The following RYR2 variants were observed in gnomAD, a reference collection of about 807,000 sequenced individuals.
The protein encoded by RYR2 is ryanodine receptor 2.
A neutral mutation model predicts 601.1 loss-of-function variants in RYR2; 227 were observed. That is an observed-to-expected ratio of 0.38 (90% CI 0.34 to 0.42). The LOEUF is 0.42. RYR2 is among the 10% of genes least tolerant of loss of function. The pLI is 1.00. For synonymous variants in RYR2, 2,223 were observed against 2,175.1 expected (o/e 1.02, Z -0.61); for missense variants, 4,646 against 6,156.5 (o/e 0.75, Z 8.21).
chr1:237,534,879 T>A (rs1335978352), intron 25 of RYR2, among the ~76,000 whole-genome samples: 3 of 152,032 alleles, frequency 2.0e-5, no homozygotes, highest in Non-Finnish European at 4.4e-5. Context: ...ATTTATGGTA[T>A]ACCACATGAT....
At chr1:237,736,461 C>CAA (rs56178537) in intron 79 of RYR2, among the ~76,000 whole-genome samples, 111 of 129,540 alleles carry the variant, frequency 8.6e-4, no homozygotes, top group East Asian at 1.6e-3. Context: ...GAGTCCGTTT[C>CAA]AAAAAAAAAA....
At chr1:237,285,587 T>A (rs753980294) in intron 2 of RYR2, among the ~76,000 whole-genome samples, 10 of 152,182 alleles carry the variant, frequency 6.6e-5, no homozygotes, top group Non-Finnish European at 1.0e-4. Context: ...TAGAATAGTA[T>A]CAAAAATATG....
At position 237,627,996 on chromosome 1, in the gene RYR2, T is replaced by C. The variant is rs748070753; in HGVS notation, c.6356T>C (p.Leu2119Pro). ...GTGTCCGTGGAGGACACCATCAACC[T>C]GCTGGCATCCCTTGGTCAGATTCGG... ...NGVSVEDTINLLASLGQIRSL... is the reference protein window; with the variant it reads ...NGVSVEDTINPLASLGQIRSL... Residue 2119 changes from leucine to proline, a missense_variant, in exon 41 of 105, where the codon CTG becomes CCG. This residue lies in a region of RYR2 where 170 missense variants were observed against 184.5 expected (regional missense o/e 0.92). Transcript: ENST00000366574. 1.9e-6 allele frequency: 3 copies of C among 1,613,832 alleles called. No individual in the cohort carries two copies. Among genetic ancestry groups the C allele is most frequent in the Non-Finnish European group, 2.5e-6 (3 of 1,179,894 alleles).
intron 2 of RYR2, among the ~76,000 whole-genome samples, chr1:237,279,140 A>T (rs992628221): frequency 6.6e-6 from 1 of 152,178 alleles, no homozygotes; most frequent in African/African-American, 2.4e-5. Context: ...AGGACTGAGG[A>T]TGTTTAAACA....
At chr1:237,043,386 T>A (rs1000489431) in intron 1 of RYR2, among the ~76,000 whole-genome samples, 2 of 151,910 alleles carry the variant, frequency 1.3e-5, no homozygotes, top group African/African-American at 2.4e-5. Context: ...TGAAGCAAAG[T>A]GTGTGTGTGT....
chr1:237,678,942 T>G (rs1236404448), intron 61 of RYR2, among the ~76,000 whole-genome samples: 1 of 152,234 alleles, frequency 6.6e-6, no homozygotes, highest in Non-Finnish European at 1.5e-5. Context: ...TTGTGGACTT[T>G]AAAATAGCAT....
chr1:237,048,767 C>T (rs1402020574), intron 1 of RYR2, among the ~76,000 whole-genome samples: 2 of 152,142 alleles, frequency 1.3e-5, no homozygotes, highest in African/African-American at 4.8e-5. Flanking sequence ...CCGTGTTGGG[C>T]ATCGGTTTCC....
intron 97 of RYR2, among the ~76,000 whole-genome samples, chr1:237,801,574 A>G (rs1328377978): frequency 6.6e-6 from 1 of 151,932 alleles, no homozygotes; most frequent in Non-Finnish European, 1.5e-5. Flanking sequence ...TACTGAATGT[A>G]GGAAAGGGAA....
intron 4 of RYR2, among the ~76,000 whole-genome samples, chr1:237,359,288 A>T (rs1319143531): frequency 3.3e-5 from 5 of 152,224 alleles, no homozygotes; most frequent in Non-Finnish European, 7.4e-5. Flanking sequence ...AAAGTAAAAA[A>T]TACAATGATT....
chr1:237,600,142 A>C (rs571002467), intron 34 of RYR2, among the ~76,000 whole-genome samples: 3 of 152,312 alleles, frequency 2.0e-5, no homozygotes, highest in East Asian at 1.9e-4. Context: ...GAGCAAAAAG[A>C]ATAAAGCTGG....
intron 72 of RYR2, among the ~76,000 whole-genome samples, chr1:237,717,979 C>T (rs1240534555): frequency 6.6e-6 from 1 of 152,176 alleles, no homozygotes; most frequent in African/African-American, 2.4e-5. Flanking sequence ...GAACATGCAT[C>T]GTTTGACATT....
chr1:237,230,306 G>A (rs1159559698), intron 1 of RYR2, among the ~76,000 whole-genome samples: 7 of 152,178 alleles, frequency 4.6e-5, no homozygotes, highest in Admixed American at 1.3e-4. Flanking sequence ...TTGCTTAGAA[G>A]AGAATGCTGC....
At chr1:237,550,053 C>T (rs1388990729) in intron 26 of RYR2, among the ~76,000 whole-genome samples, 2 of 152,108 alleles carry the variant, frequency 1.3e-5, no homozygotes, top group African/African-American at 4.8e-5. Context: ...GTGGATTCAA[C>T]CCAATGCATA....
chr1:237,542,578 T>G (rs1439894020), intron 25 of RYR2, among the ~76,000 whole-genome samples: 1 of 152,148 alleles, frequency 6.6e-6, no homozygotes, highest in Admixed American at 6.5e-5. Flanking sequence ...TTTTACAGGA[T>G]GTTTGTGTTC....
At chr1:237,414,156 C>G (rs568660859) in intron 10 of RYR2, among the ~76,000 whole-genome samples, 28 of 152,246 alleles carry the variant, frequency 1.8e-4, no homozygotes, top group Admixed American at 3.3e-4. Context: ...AAAGCTGTGT[C>G]TTTGTGTGAG....
At chr1:237,346,391 A>T (rs938140504) in intron 3 of RYR2, among the ~76,000 whole-genome samples, 1 of 151,562 alleles carries the variant, frequency 6.6e-6, no homozygotes, top group Non-Finnish European at 1.5e-5. Context: ...AAAAGTGCAT[A>T]TCCTGAGGAT....
rs1681104404 is a variant in RYR2, at chr1:237,638,467, T to C, written c.6903T>C (p.Phe2301=). 6.2e-7 allele frequency: 1 copy of C among 1,613,850 alleles called. No individual in the cohort carries two copies. Among genetic ancestry groups the C allele is most frequent in the Admixed American group, 1.7e-5 (1 of 60,004 alleles). ...NPVEGERYLD[F]LRFAVFCNGE... ...TTGAAGGAGAGAGATATCTTGACTT[T>C]CTTAGATTTGCTGTCTTCTGTAATG... Residue 2301 remains phenylalanine, a synonymous_variant, in exon 45 of 105, where the codon TTT becomes TTC. Transcript: ENST00000366574.
chr1:237,205,102 C>T (rs1317997353), intron 1 of RYR2, among the ~76,000 whole-genome samples: 2 of 152,138 alleles, frequency 1.3e-5, no homozygotes, highest in East Asian at 3.9e-4. Flanking sequence ...CATGAGCTCC[C>T]CCAAGGCACT....
intron 21 of RYR2, 95 bp downstream of exon 21, chr1:237,500,998 T>C: frequency 1.6e-6 from 2 of 1,212,268 alleles, no homozygotes; most frequent in South Asian, 1.3e-5. Flanking sequence ...TCTCTAACCA[T>C]TGTTTGTCTC....
Sources: allele counts gnomAD v4.1 joint callset (sites outside exome capture counted in the v4.1 genomes callset), GRCh38; gene constraint gnomAD v4.1.1; regional missense constraint gnomAD v4.1.1; transcripts MANE v1.5; gene names NCBI Gene and HGNC (gene_info 2026-07-23, HGNC 2026-07-21).